WIPI2: variants seen among roughly 807,000 people sequenced by gnomAD.
WIPI2 encodes WD repeat domain, phosphoinositide interacting 2.
Under a neutral mutation model 52.3 loss-of-function variants are expected in WIPI2, and 28 were observed. That is an observed-to-expected ratio of 0.54 (90% CI 0.40 to 0.73). The LOEUF (loss-of-function observed/expected upper bound fraction) is 0.73. Ranked by LOEUF, WIPI2 falls within the 30% of genes least tolerant of loss-of-function variation. The pLI is 0.00. For missense variants in WIPI2, 506 were observed against 602.9 expected, an observed-to-expected ratio of 0.84 and a Z score of 1.68; for synonymous variants, 268 against 245.0, an observed-to-expected ratio of 1.09 and a Z score of -0.88.
At chr7:5,225,733 C>G (rs748303617) in intron 8 of WIPI2, 90 bp from the exon 9 acceptor site, 71 of 860,842 alleles carry the variant, frequency 8.2e-5, no homozygotes, top group Non-Finnish European at 1.2e-4. Context: ...CAAGTGTGCC[C>G]GTGACAGGAA....
chr7:5,190,397 G>T lies in WIPI2; in HGVS notation c.-23G>T. 1 of 1,360,086 alleles carries T rather than the reference G, an allele frequency of 7.4e-7. No individual in the cohort carries two copies. The highest frequency in any genetic ancestry group is 9.5e-7 in the Non-Finnish European group (1 of 1,049,968). The allele number at this position is 1,360,086 out of a possible 1,614,324, so 84.3% of individuals were successfully genotyped here. The stretch of plus-strand genomic sequence containing the variant: ...TCGCGCGCGCGCCCTCCCCGGCCGG[G>T]CCCACTCGCCGCGCGCCCAGCCATG... On this transcript the variant is annotated 5_prime_UTR_variant, in exon 1 of 13. Coordinates refer to ENST00000288828, the MANE Select transcript of WIPI2 (RefSeq NM_015610.4).
chr7:5,200,597 A>G (rs1318089409), intron 3 of WIPI2, among the ~76,000 whole-genome samples: 2 of 151,166 alleles, frequency 1.3e-5, no homozygotes, highest in Non-Finnish European at 2.9e-5. Flanking sequence ...CTTACTGCCC[A>G]GGCTGGAGTG....
chr7:5,203,304 G>A (rs941757063), intron 3 of WIPI2, among the ~76,000 whole-genome samples: 8 of 152,192 alleles, frequency 5.3e-5, no homozygotes, highest in Admixed American at 5.2e-4. Flanking sequence ...GCCTAAATCT[G>A]TGGTGCTGGA....
chr7:5,232,366 G>A lies in WIPI2; in HGVS notation c.*1419G>A, dbSNP rs534026457. The A allele has an allele frequency of 7.5e-6, 3 of 398,460 alleles. No individual in the cohort carries two copies. The highest frequency in any genetic ancestry group is 6.2e-5 in the African/African-American group (3 of 48,640). 24.7% of individuals were successfully genotyped at this position (398,460 alleles called of 1,614,324 possible). A position where few individuals can be genotyped will look rare whatever the true frequency, so the allele number is the denominator to read the frequency against. ...TGAAATGCCCCAGTGTTCCTGGGTT[G>A]GCTTTACGGCAAACTAAATGCAGGG... is the stretch of plus-strand genomic sequence containing the variant. On this transcript the variant is annotated 3_prime_UTR_variant, in exon 13 of 13. Transcript: ENST00000288828.
At chr7:5,215,201 C>G (rs973711845) in intron 4 of WIPI2, among the ~76,000 whole-genome samples, 31 of 152,206 alleles carry the variant, frequency 2.0e-4, no homozygotes. Context: ...ATCCCGGCTA[C>G]TCGGGAGGCT....
chr7:5,226,076 C>G (rs2115313880), intron 9 of WIPI2, 146 bp downstream of exon 9: 4 of 740,002 alleles, frequency 5.4e-6, no homozygotes, highest in Middle Eastern at 2.4e-4. Flanking sequence ...GAGCGAGCAC[C>G]TCCGCATCCA....
At chr7:5,210,494 G>A (rs1782504176) in intron 3 of WIPI2, among the ~76,000 whole-genome samples, 1 of 152,168 alleles carries the variant, frequency 6.6e-6, no homozygotes, top group Admixed American at 6.5e-5. Flanking sequence ...ACCTTTGGCA[G>A]TTTCGGTGCC....
intron 2 of WIPI2, among the ~76,000 whole-genome samples, chr7:5,193,753 G>C (rs969311627): frequency 6.6e-6 from 1 of 151,592 alleles, no homozygotes; most frequent in Non-Finnish European, 1.5e-5. Context: ...TTTTTTTTTA[G>C]TTTTTGTAGG....
intron 3 of WIPI2, among the ~76,000 whole-genome samples, chr7:5,206,291 G>A (rs991820028): frequency 6.6e-6 from 1 of 152,112 alleles, no homozygotes. Context: ...ATGTAGAGGG[G>A]CTTACTCTGA....
chr7:5,230,788 T>A lies in WIPI2; in HGVS notation c.1253-47T>A. 2 of 1,478,362 alleles carry A rather than the reference T, an allele frequency of 1.4e-6. No homozygotes were observed. Among genetic ancestry groups the A allele is most frequent in the Non-Finnish European group, 1.9e-6 (2 of 1,067,938 alleles). The allele number at this position is 1,478,362 out of a possible 1,614,324, so 91.6% of individuals were successfully genotyped here. A position where few individuals can be genotyped will look rare whatever the true frequency, so the allele number is the denominator to read the frequency against. On this transcript the variant is annotated intron_variant, in intron 12 of 12. Coordinates refer to ENST00000288828, the MANE Select transcript of WIPI2 (RefSeq NM_015610.4). This position sits in a 1 kb window ranked among gnomAD's most constrained non-coding sequence, Gnocchi z 4.8. ...TCCTCAGTGTGTGTCATGGGGTCTG[T>A]GGTGTGTCCCCAGCCTTTGAAGGGT...
chr7:5,225,137 CTTT>C (rs569592524), intron 8 of WIPI2, among the ~76,000 whole-genome samples: 4 of 144,922 alleles, frequency 2.8e-5, no homozygotes, highest in Non-Finnish European at 6.1e-5. Context: ...TTTGCTCTGT[CTTT>C]TTTTTTTTTT....
chr7:5,229,768 A>T (rs1783634576), intron 12 of WIPI2, 30 bp downstream of exon 12: 1 of 1,612,142 alleles, frequency 6.2e-7, no homozygotes, highest in Non-Finnish European at 8.5e-7. Context: ...CCTGGAAGGT[A>T]ATTAGCCCCA....
At chr7:5,201,121 G>A (rs535069873) in intron 3 of WIPI2, among the ~76,000 whole-genome samples, 2 of 152,332 alleles carry the variant, frequency 1.3e-5, no homozygotes, top group South Asian at 2.1e-4. Flanking sequence ...CTGCCTTCAC[G>A]TGAGCCACAC....
rs140957708 is a variant in WIPI2, at chr7:5,230,890, C to T, written c.1308C>T (p.Ser436=). 1.2e-5 allele frequency: 19 copies of T among 1,613,644 alleles called. No homozygotes were observed. Among genetic ancestry groups the T allele is most frequent in the Middle Eastern group, 1.6e-4 (1 of 6,082 alleles). Residue 436 remains serine (S), a synonymous_variant, in exon 13 of 13, where the codon AGC becomes AGT. Transcript: ENST00000288828. The surrounding 1 kb of genome is among the most constrained non-coding windows in gnomAD (Gnocchi z 4.8). The part of the protein sequence containing the change: ...VGGACLEDEA[S]ALRLDEDSEH... ...GCGCCTGCCTGGAGGACGAGGCCAG[C>T]GCCCTGCGCCTGGATGAGGACAGCG...
intron 3 of WIPI2, 25 bp downstream of exon 3, chr7:5,199,683 C>G: frequency 4.5e-6 from 7 of 1,546,920 alleles, no homozygotes; most frequent in Non-Finnish European, 6.1e-6. Flanking sequence ...TATTTTTCCC[C>G]TTCTTAAAAA....
chr7:5,207,772 T>TC (rs1276095776), intron 3 of WIPI2, among the ~76,000 whole-genome samples: 1 of 143,472 alleles, frequency 7.0e-6, no homozygotes, highest in Non-Finnish European at 1.5e-5. Flanking sequence ...CACTAACTTT[T>TC]TTTTTTTTTT....
chr7:5,227,462 A>C lies in WIPI2; in HGVS notation c.1013+118A>C. 7.2e-7 allele frequency: 1 copy of C among 1,384,314 alleles called. No individual in the cohort carries two copies. 85.8% of individuals were successfully genotyped at this position (1,384,314 alleles called of 1,614,324 possible). On this transcript the variant is annotated intron_variant, in intron 10 of 12. Coordinates refer to ENST00000288828, the MANE Select transcript of WIPI2 (RefSeq NM_015610.4). The surrounding 1 kb of genome is among the most constrained non-coding windows in gnomAD (Gnocchi z 8.1). ...ACAGGAGCAGCTTCTTAGAGCCGAC[A>C]CTCCATCGAGAGTTGTCGGGGATGG... is the stretch of plus-strand genomic sequence containing the variant.
At chr7:5,228,018 C>G in intron 10 of WIPI2, 86 bp from the exon 11 acceptor site, 2 of 1,323,830 alleles carry the variant, frequency 1.5e-6, no homozygotes, top group Non-Finnish European at 2.1e-6. Context: ...GGTCTCTTTC[C>G]TCGCCTGCCA....
rs749138062 is a variant in WIPI2, at chr7:5,230,966, G to C, written c.*19G>C. On this transcript the variant is annotated 3_prime_UTR_variant, in exon 13 of 13. Transcript: ENST00000288828. The surrounding 1 kb of genome is among the most constrained non-coding windows in gnomAD (Gnocchi z 4.8). ...TGACTGAACTTGACCTGTGACCTCT[G>C]ACCCGGGGAGCAGAGAACACTGGCT... is the stretch of plus-strand genomic sequence containing the variant. 9 of 1,601,336 alleles carry C rather than the reference G, an allele frequency of 5.6e-6. No individual in the cohort carries two copies. In the East Asian group the frequency reaches 1.8e-4, roughly 32 times the overall value.
Sources: gnomAD v4.1 joint callset for allele counts (sites outside exome capture counted in the v4.1 genomes callset) on GRCh38, gnomAD v4.1.1 for gene constraint, Gnocchi (gnomAD v3.1) non-coding constraint, MANE v1.5 for transcripts, NCBI Gene and HGNC (gene_info 2026-07-23, HGNC 2026-07-21) for gene names.